The following REV3L variants were observed in gnomAD, a reference collection of about 807,000 sequenced individuals.
REV3L encodes the protein REV3 like, DNA directed polymerase zeta catalytic subunit, also known as DNA polymerase zeta catalytic subunit.
In REV3L, 69 loss-of-function variants were observed where a neutral mutation model predicts 299.4. That is an observed-to-expected ratio of 0.23 (90% CI 0.19 to 0.28). REV3L has a LOEUF of 0.28. REV3L is among the 10% of genes least tolerant of loss of function. The probability of loss-of-function intolerance (pLI) is 1.00; values close to 1 mark genes in which losing one functional copy is unlikely to be tolerated. For missense variants in REV3L, 3,128 were observed against 3,693.8 expected (o/e 0.85, Z 3.97); for synonymous variants, 1,238 against 1,271.4 (o/e 0.97, Z 0.56).
At chr6:111,433,763 C>T (rs1265756265) in intron 1 of REV3L, among the ~76,000 whole-genome samples, 1 of 152,138 alleles carries the variant, frequency 6.6e-6, no homozygotes, top group Non-Finnish European at 1.5e-5. Flanking sequence ...AAGAAGACTA[C>T]AGGCCAACAT....
At chr6:111,396,221 T>C (rs1782488806) in intron 4 of REV3L, among the ~76,000 whole-genome samples, 1 of 152,016 alleles carries the variant, frequency 6.6e-6, no homozygotes, top group South Asian at 2.1e-4. Context: ...GAGACAGGGT[T>C]TCACCATGTT....
rs550091847 is a variant in REV3L, at chr6:111,354,341, A to T, written c.7185-2550T>A. 6.2e-4 allele frequency among the ~76,000 whole-genome samples: 89 copies of T among 144,706 alleles called. 2 individuals carry two copies. Among genetic ancestry groups the T allele is most frequent in the Middle Eastern group, 6.8e-3 (2 of 292 alleles). 94.9% of individuals were successfully genotyped at this position (144,706 alleles called of 152,430 possible). A position where few individuals can be genotyped will look rare whatever the true frequency, so the allele number is the denominator to read the frequency against. Reference sequence around the variant, plus strand: ...GGAGTTGGCTACGTACACTTTTTTTAAAAAAAATAATGTATTGAAAATAAC... The same window carrying T: ...GGAGTTGGCTACGTACACTTTTTTTTAAAAAAATAATGTATTGAAAATAAC... On this transcript the variant is annotated intron_variant, in intron 18 of 31. Transcript: ENST00000368802.
chr6:111,358,313 G>A (rs952899344), intron 17 of REV3L, among the ~76,000 whole-genome samples: 7 of 152,040 alleles, frequency 4.6e-5, no homozygotes, highest in Non-Finnish European at 8.8e-5. Flanking sequence ...GCATACATAA[G>A]GAAGACTGTG....
chr6:111,422,629 T>C (rs375695582), intron 1 of REV3L, among the ~76,000 whole-genome samples: 652 of 25,458 alleles, frequency 0.026, 138 homozygotes, highest in Non-Finnish European at 0.045. Context: ...TATATATATA[T>C]ACACATATAT....
At chr6:111,301,342 G>A (rs1481427042) in intron 31 of REV3L, among the ~76,000 whole-genome samples, 1 of 152,070 alleles carries the variant, frequency 6.6e-6, no homozygotes, top group Non-Finnish European at 1.5e-5. Flanking sequence ...CCTCTTTGCT[G>A]TTGTGATATT....
Position 111,311,059 on chromosome 6 carries a change from G to A in REV3L, c.8795+10C>T, listed in dbSNP as rs952140594. On this transcript the variant is annotated intron_variant, in intron 29 of 31. Coordinates refer to ENST00000368802, the MANE Select transcript of REV3L (RefSeq NM_001372078.1). ...GGACTATCCTGGCAAGGTACTGAGG[G>A]TATCATTACCTTGTAAGTTCAAGGG... 9.3e-6 allele frequency: 15 copies of A among 1,605,990 alleles called. No individual in the cohort carries two copies. Among genetic ancestry groups the A allele is most frequent in the African/African-American group, 4.0e-5 (3 of 74,518 alleles).
rs1775186570 is a variant in REV3L, at chr6:111,329,615, G to A, written c.8158C>T (p.Arg2720Cys). 3.7e-6 allele frequency: 6 copies of A among 1,614,052 alleles called. No individual in the cohort carries two copies. The highest frequency in any genetic ancestry group is 3.4e-6 in the Non-Finnish European group (4 of 1,180,014). Reference protein sequence around the residue: ...DRALSRMLDARQLGLKLIANV... With the variant: ...DRALSRMLDACQLGLKLIANV... ...GCTATCAGCTTAAGTCCCAACTGAC[G>A]CGCATCAAGCATTCGTGACAGGGCT... Residue 2720 changes from arginine (R) to cysteine (C), a missense_variant, in exon 25 of 32, where the codon CGT (arginine) becomes TGT (cysteine). Coordinates refer to ENST00000368802, the MANE Select transcript of REV3L (RefSeq NM_001372078.1).
chr6:111,428,631 A>AT (rs1786475546), intron 1 of REV3L, among the ~76,000 whole-genome samples: 1 of 152,140 alleles, frequency 6.6e-6, no homozygotes, highest in Admixed American at 6.5e-5. Flanking sequence ...GAAACAAAAA[A>AT]AAGTCAGTGA....
At chr6:111,342,824 T>C (rs943923837) in intron 21 of REV3L, among the ~76,000 whole-genome samples, 3 of 151,940 alleles carry the variant, frequency 2.0e-5, no homozygotes, top group East Asian at 3.9e-4. Flanking sequence ...GAATCACAAA[T>C]ACTGGAAAAA....
At chr6:111,465,850 A>G (rs763562352) in intron 1 of REV3L, among the ~76,000 whole-genome samples, 2 of 152,076 alleles carry the variant, frequency 1.3e-5, no homozygotes, top group Non-Finnish European at 2.9e-5. Context: ...TTTATACAAT[A>G]TATCGCAGAA....
intron 1 of REV3L, among the ~76,000 whole-genome samples, chr6:111,456,844 T>C (rs1790219521): frequency 6.6e-6 from 1 of 152,140 alleles, no homozygotes; most frequent in African/African-American, 2.4e-5. Context: ...GCAGGTAATA[T>C]TCCTTTTCAC....
rs1302886081 is a variant in REV3L, at chr6:111,372,803, G to A, written c.5552C>T (p.Thr1851Ile). 3.7e-6 allele frequency: 6 copies of A among 1,613,398 alleles called. No homozygotes were observed. The highest frequency in any genetic ancestry group is 5.1e-6 in the Non-Finnish European group (6 of 1,179,704). ...VSRNNDMLTP[T>I]PDSSPRSTSS... is the part of the protein sequence containing the mutation. The stretch of plus-strand genomic sequence containing the variant: ...AGTAGATCTTGGTGAACTATCAGGA[G>A]TTGGTGTCAACATATCATTGTTTCT... The change falls in exon 13 of 32, where the codon ACT becomes ATT. Residue 1851 changes from threonine (T) to isoleucine (I), a missense_variant. Physicochemically the swap from Thr to Ile is moderately conservative, Grantham distance 89. Transcript: ENST00000368802.
chr6:111,309,693 C>T, intron 30 of REV3L, 160 bp downstream of exon 30: 1 of 731,618 alleles, frequency 1.4e-6, no homozygotes, highest in Non-Finnish European at 2.1e-6. Context: ...CCTTTCTCTA[C>T]CCAGCACTTC....
intron 1 of REV3L, among the ~76,000 whole-genome samples, chr6:111,421,982 C>T (rs1278699873): frequency 6.6e-6 from 1 of 152,116 alleles, no homozygotes; most frequent in Non-Finnish European, 1.5e-5. Context: ...CTAAACAAAA[C>T]TCAGTCACAG....
At chr6:111,331,638 G>T in intron 24 of REV3L, 38 bp downstream of exon 24, 2 of 1,409,000 alleles carry the variant, frequency 1.4e-6, no homozygotes, top group Non-Finnish European at 1.0e-6. Flanking sequence ...CAAAAGTTAA[G>T]CCATAGTTGT....
At chr6:111,344,877 C>T (rs1776873598) in intron 20 of REV3L, among the ~76,000 whole-genome samples, 1 of 152,136 alleles carries the variant, frequency 6.6e-6, no homozygotes, top group African/African-American at 2.4e-5. Flanking sequence ...CCAGGAGGTA[C>T]AAAATAGGGA....
chr6:111,424,996 T>C (rs1022143974), intron 1 of REV3L, among the ~76,000 whole-genome samples: 5 of 152,170 alleles, frequency 3.3e-5, no homozygotes, highest in African/African-American at 1.2e-4. Flanking sequence ...TGTAGGGCTA[T>C]GTACATGCCC....
In REV3L at chr6:111,367,183, G is replaced by A. The variant is rs374569177; in HGVS notation, c.6605C>T (p.Thr2202Ile). Residue 2202 changes from threonine (T) to isoleucine (I), a missense_variant, in exon 14 of 32, where the codon ACA (threonine) becomes ATA (isoleucine). Physicochemically the swap from Thr to Ile is moderately conservative, Grantham distance 89 (BLOSUM62 -1). Transcript: ENST00000368802. The stretch of plus-strand genomic sequence containing the variant: ...CAGAAGTTTTCTCTGTATGATTGGT[G>A]TACTATGAAAGCAAAGTGATTCACA... ...GKCESLCFHS[T>I]PIIQRKLLER... The A allele has an allele frequency of 1.2e-6, 2 of 1,613,630 alleles. No homozygotes were observed. The highest frequency in any genetic ancestry group is 1.1e-5 in the South Asian group (1 of 90,952).
intron 26 of REV3L, among the ~76,000 whole-genome samples, chr6:111,316,678 G>GA (rs1281100056): frequency 1.2e-4 from 17 of 137,824 alleles, no homozygotes; most frequent in East Asian, 6.3e-4. Context: ...AAAAAAAAAA[G>GA]AAAAAAAAAA....
Sources: allele counts gnomAD v4.1 joint callset (sites outside exome capture counted in the v4.1 genomes callset), GRCh38; gene constraint gnomAD v4.1.1; transcripts MANE v1.5; gene names NCBI Gene and HGNC (gene_info 2026-07-23, HGNC 2026-07-21).